PDE4D: variants seen among roughly 807,000 people sequenced by gnomAD.
The protein encoded by PDE4D is 3',5'-cyclic-AMP phosphodiesterase 4D.
In PDE4D, 24 loss-of-function variants were observed where a neutral mutation model predicts 87.4. That is an observed-to-expected ratio of 0.27 (90% CI 0.20 to 0.39). The LOEUF is 0.39. Among genes scored for constraint, PDE4D ranks in the 10% least tolerant of loss-of-function variants. The pLI is 1.00. For synonymous variants in PDE4D, 384 were observed against 383.2 expected (o/e 1.00, Z -0.02); for missense variants, 714 against 1,041.0 (o/e 0.69, Z 4.32).
chr5:60,239,042 C>T (rs1405351320), intron 1 of PDE4D, among the ~76,000 whole-genome samples: 2 of 152,032 alleles, frequency 1.3e-5, no homozygotes, highest in Non-Finnish European at 2.9e-5. Flanking sequence ...GAAATCCTTC[C>T]CTGCCCACTG....
intron 5 of PDE4D, among the ~76,000 whole-genome samples, chr5:59,179,917 T>A (rs1355554831): frequency 6.6e-6 from 1 of 152,222 alleles, no homozygotes; most frequent in Non-Finnish European, 1.5e-5. Flanking sequence ...TGCATTCTGT[T>A]TTTGGTTCAG....
chr5:60,381,489 T>A (rs572172720), intron 1 of PDE4D, among the ~76,000 whole-genome samples: 2 of 152,222 alleles, frequency 1.3e-5, no homozygotes, highest in African/African-American at 2.4e-5. Context: ...GTCCCATGCA[T>A]CCTTTTAGCA....
intron 1 of PDE4D, among the ~76,000 whole-genome samples, chr5:59,589,998 A>G (rs1825694524): frequency 6.6e-6 from 1 of 152,156 alleles, no homozygotes; most frequent in Non-Finnish European, 1.5e-5. Context: ...AAAGATAGCA[A>G]AGAAAAAACT....
At chr5:59,637,548 C>T (rs1016229647) in intron 1 of PDE4D, among the ~76,000 whole-genome samples, 1 of 151,768 alleles carries the variant, frequency 6.6e-6, no homozygotes, top group Non-Finnish European at 1.5e-5. Flanking sequence ...ACATATACAC[C>T]ATGGAATACT....
At chr5:59,762,268 G>GGGTACACATA (rs1561614954) in intron 1 of PDE4D, among the ~76,000 whole-genome samples, 4 of 43,336 alleles carry the variant, frequency 9.2e-5, no homozygotes, top group Non-Finnish European at 1.7e-4. Flanking sequence ...ATGCGTATAT[G>GGGTACACATA]TGTATATGGG....
chr5:58,973,581 A>G lies in PDE4D; in HGVS notation c.*1083T>C, dbSNP rs550896063. 20 of 152,634 alleles carry G rather than the reference A, an allele frequency of 1.3e-4. No homozygotes were observed. Among genetic ancestry groups the G allele is most frequent in the Non-Finnish European group, 2.5e-4 (17 of 68,032 alleles). The allele number at this position is 152,634 out of a possible 1,614,324, so 9.5% of individuals were successfully genotyped here. A position where few individuals can be genotyped will look rare whatever the true frequency, so the allele number is the denominator to read the frequency against. On this transcript the variant is annotated 3_prime_UTR_variant, in exon 15 of 15. Transcript: ENST00000340635. ...GGAAAACATCTAAAAAAGACTGACC[A>G]TTTTAGCTACTGGGTATTTATATAT...
At chr5:60,162,424 T>C (rs1043368669) in intron 2 of PDE4D, among the ~76,000 whole-genome samples, 3 of 152,162 alleles carry the variant, frequency 2.0e-5, no homozygotes, top group Non-Finnish European at 4.4e-5. Flanking sequence ...TTAAAACCTT[T>C]TGTTGGGTTT....
intron 1 of PDE4D, among the ~76,000 whole-genome samples, chr5:59,679,150 C>T (rs1748612302): frequency 6.6e-6 from 1 of 152,122 alleles, no homozygotes; most frequent in African/African-American, 2.4e-5. Flanking sequence ...CACAATCGGC[C>T]TCTCATAATA....
intron 1 of PDE4D, among the ~76,000 whole-genome samples, chr5:59,627,374 C>T (rs560041247): frequency 1.3e-5 from 2 of 152,262 alleles, no homozygotes; most frequent in African/African-American, 4.8e-5. Flanking sequence ...AAAAATGTTC[C>T]AAATTCTAGG....
intron 1 of PDE4D, among the ~76,000 whole-genome samples, chr5:60,416,547 C>A (rs909088257): frequency 6.6e-6 from 1 of 152,156 alleles, no homozygotes; most frequent in East Asian, 1.9e-4. Flanking sequence ...CGAAGGTCTG[C>A]AGCTTCACTC....
rs549561602 is a variant in PDE4D at position 60,454,314 on chromosome 5, A to G, written c.-90+33628T>C. On this transcript the variant is annotated intron_variant, in intron 1 of 16. Coordinates refer to the PDE4D transcript ENST00000502484. ...CCATTACTGGGTATATACCCAAAGGATTATAAATCATTCTATTATAAAGAT... is the reference window on the plus strand; with the variant it reads ...CCATTACTGGGTATATACCCAAAGGGTTATAAATCATTCTATTATAAAGAT... Among the ~76,000 whole-genome samples the G allele has an allele frequency of 8.5e-5, 13 of 152,302 alleles. No individual in the cohort carries two copies. In the East Asian group the frequency reaches 1.9e-3, roughly 23 times the overall value.
intron 1 of PDE4D, among the ~76,000 whole-genome samples, chr5:59,531,555 T>TA (rs1265008340): frequency 2.6e-5 from 4 of 152,222 alleles, no homozygotes; most frequent in Admixed American, 6.5e-5. Flanking sequence ...CTCAATGGGC[T>TA]AAAATCAAGG....
chr5:59,876,936 C>T (rs968138823), intron 1 of PDE4D, among the ~76,000 whole-genome samples: 5 of 151,906 alleles, frequency 3.3e-5, no homozygotes, highest in African/African-American at 1.2e-4. Flanking sequence ...AGTAATTGTC[C>T]TACACATTAA....
chr5:60,111,443 A>G (rs916965377), intron 2 of PDE4D, among the ~76,000 whole-genome samples: 11 of 152,150 alleles, frequency 7.2e-5, no homozygotes, highest in Non-Finnish European at 1.5e-4. Flanking sequence ...AAAGTATCAT[A>G]TATTTGTTAA....
chr5:59,584,888 TACG>T (rs1270036956), intron 1 of PDE4D, among the ~76,000 whole-genome samples: 1 of 152,182 alleles, frequency 6.6e-6, no homozygotes, highest in African/African-American at 2.4e-5. Context: ...AAATGCCTAC[TACG>T]TGCCAGGAAC....
intron 1 of PDE4D, among the ~76,000 whole-genome samples, chr5:59,737,666 A>T (rs1385927721): frequency 6.6e-6 from 1 of 152,110 alleles, no homozygotes; most frequent in Admixed American, 6.6e-5. Flanking sequence ...CCACATGAAA[A>T]TTAAAAACAA....
At chr5:59,453,780 G>T (rs1450625723) in intron 1 of PDE4D, among the ~76,000 whole-genome samples, 2 of 152,238 alleles carry the variant, frequency 1.3e-5, no homozygotes, top group African/African-American at 4.8e-5. Flanking sequence ...AGCAAGTGCT[G>T]ATATCAAAGC....
At chr5:59,624,589 C>G (rs1830690458) in intron 1 of PDE4D, among the ~76,000 whole-genome samples, 1 of 152,194 alleles carries the variant, frequency 6.6e-6, no homozygotes, top group Non-Finnish European at 1.5e-5. Context: ...TCTGAGCAGA[C>G]TGATGCACAG....
chr5:60,517,312 G>T (rs1750845418), intron 1 of PDE4D, among the ~76,000 whole-genome samples: 1 of 152,234 alleles, frequency 6.6e-6, no homozygotes, highest in South Asian at 2.1e-4. Context: ...AGTGCAGCAG[G>T]TTGATGGCAG....
Sources: allele counts gnomAD v4.1 joint callset (sites outside exome capture counted in the v4.1 genomes callset), GRCh38; gene constraint gnomAD v4.1.1; transcripts MANE v1.5; gene names NCBI Gene and HGNC (gene_info 2026-07-23, HGNC 2026-07-21).